LCA5: variants seen among roughly 807,000 people sequenced by gnomAD.
The protein encoded by LCA5 is lebercilin.
LCA5 carries 37 observed loss-of-function variants against 53.0 expected under a neutral mutation model. That is an observed-to-expected ratio of 0.70 (90% confidence interval 0.54 to 0.92). The LOEUF (loss-of-function observed/expected upper bound fraction) is 0.92. Among genes scored for constraint, LCA5 ranks in the 40% least tolerant of loss-of-function variants. LCA5 has a pLI of 0.00. For missense variants in LCA5, 806 were observed against 790.5 expected (o/e 1.02, Z -0.23); for synonymous variants, 303 against 282.9 (o/e 1.07, Z -0.71).
Position 79,491,681 on chromosome 6 carries a change from G to A in LCA5, c.1005C>T (p.Thr335=), listed in dbSNP as rs1449272372. ...ATTCTTCTGGCTTGAAGTCTTCCAT[G>A]GTTTGTACTCCTTTTGTACACAGGT... ...FADLCTKGVQ[T]MEDFKPEEYP... is the part of the protein sequence containing the mutation. The change falls in exon 6 of 8, where the codon ACC becomes ACT. Residue 335 remains threonine (T), a synonymous_variant. Coordinates refer to ENST00000369846, the MANE Select transcript of LCA5 (RefSeq NM_001122769.3). 1.2e-6 allele frequency: 2 copies of A among 1,612,818 alleles called. No homozygotes were observed. Among genetic ancestry groups the A allele is most frequent in the African/African-American group, 2.7e-5 (2 of 74,826 alleles).
intron 3 of LCA5, among the ~76,000 whole-genome samples, chr6:79,494,671 T>C (rs559618665): frequency 3.1e-4 from 47 of 152,312 alleles, no homozygotes; most frequent in Non-Finnish European, 5.3e-4. Flanking sequence ...AATAAAACCA[T>C]AAATACCTAA....
intron 3 of LCA5, among the ~76,000 whole-genome samples, chr6:79,502,170 C>T (rs952092363): frequency 6.6e-6 from 1 of 152,154 alleles, no homozygotes; most frequent in African/African-American, 2.4e-5. Context: ...GTCTTCCTAA[C>T]TCTCCAAAGT....
chr6:79,518,630 T>C (rs76977022), intron 2 of LCA5, 75 bp downstream of exon 2: 5 of 1,304,346 alleles, frequency 3.8e-6, no homozygotes, highest in Admixed American at 3.4e-5. Flanking sequence ...TAAAAGAGTA[T>C]CATGCACACA....
chr6:79,507,157 T>C (rs184627047), intron 3 of LCA5, among the ~76,000 whole-genome samples: 19 of 152,238 alleles, frequency 1.2e-4, no homozygotes, highest in African/African-American at 3.6e-4. Context: ...ATGCAACAGA[T>C]TGAAGCAGAA....
At chr6:79,521,938 A>G (rs1766637279) in intron 1 of LCA5, among the ~76,000 whole-genome samples, 1 of 152,190 alleles carries the variant, frequency 6.6e-6, no homozygotes, top group Non-Finnish European at 1.5e-5. Context: ...ACTACTTGCC[A>G]AAGACAAGGC....
At chr6:79,512,168 G>A (rs1770425114) in intron 3 of LCA5, among the ~76,000 whole-genome samples, 1 of 152,072 alleles carries the variant, frequency 6.6e-6, no homozygotes, top group Non-Finnish European at 1.5e-5. Context: ...TACGGTAACT[G>A]TTCTGAGTCC....
chr6:79,489,037 C>T (rs1422258353), intron 7 of LCA5, 47 bp downstream of exon 7: 1 of 1,606,162 alleles, frequency 6.2e-7, no homozygotes, highest in Admixed American at 1.7e-5. Flanking sequence ...CTTTCTTTCT[C>T]AAGGGATGCT....
At chr6:79,495,942 T>C (rs945593753) in intron 3 of LCA5, among the ~76,000 whole-genome samples, 3 of 152,126 alleles carry the variant, frequency 2.0e-5, no homozygotes, top group African/African-American at 4.8e-5. Context: ...TGGTCAACTA[T>C]ATATTACCTC....
intron 6 of LCA5, 131 bp downstream of exon 6, chr6:79,491,457 C>A: frequency 1.1e-6 from 1 of 947,124 alleles, no homozygotes; most frequent in South Asian, 1.4e-5. Flanking sequence ...TCTTTCCCTT[C>A]AAAAAGGCTA....
intron 1 of LCA5, among the ~76,000 whole-genome samples, chr6:79,519,418 G>A (rs1247021981): frequency 6.6e-6 from 1 of 151,814 alleles, no homozygotes; most frequent in African/African-American, 2.4e-5. Flanking sequence ...TTCTTTTTTA[G>A]GCAGGGAGGC....
intron 1 of LCA5, among the ~76,000 whole-genome samples, chr6:79,523,830 A>T (rs150434779): frequency 1.0e-3 from 159 of 152,338 alleles, no homozygotes; most frequent in African/African-American, 3.7e-3. Context: ...CATAAAAATA[A>T]GTAAATAAAG....
intron 1 of LCA5, among the ~76,000 whole-genome samples, chr6:79,525,722 G>C (rs945447175): frequency 2.6e-5 from 4 of 152,228 alleles, no homozygotes; most frequent in Non-Finnish European, 5.9e-5. Context: ...GTCCGGATTA[G>C]ATCCGGAGGA....
At chr6:79,488,916 A>G (rs1769753954) in intron 7 of LCA5, 168 bp downstream of exon 7, 1 of 721,022 alleles carries the variant, frequency 1.4e-6, no homozygotes, top group Non-Finnish European at 2.3e-6. Flanking sequence ...TAATAACATT[A>G]TTCAAATGTG....
Position 79,487,458 on chromosome 6 carries a change from G to T in LCA5, c.1640C>A (p.Ser547Tyr), listed in dbSNP as rs1212719379. The T allele has an allele frequency of 6.2e-7, 1 of 1,614,026 alleles. No homozygotes were observed. The highest frequency in any genetic ancestry group is 8.5e-7 in the Non-Finnish European group (1 of 1,179,934). ...QNSGNVRSPA[S>Y]PNEFAFGSYV... is the part of the protein sequence containing the mutation. Reference sequence around the variant, plus strand: ...GCTACCAAATGCGAACTCATTAGGGGAGGCTGGACTTCTAACATTTCCTGA... The same window carrying T: ...GCTACCAAATGCGAACTCATTAGGGTAGGCTGGACTTCTAACATTTCCTGA... The change falls in exon 8 of 8, where the codon TCC (serine) becomes TAC (tyrosine). Residue 547 changes from serine (S) to tyrosine (Y), a missense_variant. Ser to Tyr is a moderately radical substitution (Grantham distance 144). Transcript: ENST00000369846.
At chr6:79,508,001 C>G (rs769279555) in intron 3 of LCA5, among the ~76,000 whole-genome samples, 1 of 152,072 alleles carries the variant, frequency 6.6e-6, no homozygotes, top group East Asian at 1.9e-4. Flanking sequence ...TCCCATGTGA[C>G]AAAATATTAA....
intron 3 of LCA5, among the ~76,000 whole-genome samples, chr6:79,495,468 C>T (rs775060504): frequency 2.0e-5 from 3 of 151,880 alleles, no homozygotes; most frequent in Non-Finnish European, 4.4e-5. Flanking sequence ...TATAAAAAGT[C>T]GGGCCAGGCG....
rs769512467 is a variant in LCA5 at position 79,487,199 on chromosome 6, G to A, written c.1899C>T (p.Asp633=). 66 of 1,613,830 alleles carry A rather than the reference G, an allele frequency of 4.1e-5. No homozygotes were observed. The East Asian group carries it at 1.2e-3, about 31-fold the overall frequency. The change falls in exon 8 of 8, where the codon GAC becomes GAT. Residue 633 remains aspartate (D), a synonymous_variant. Transcript: ENST00000369846. Reference sequence around the variant, plus strand: ...CAGGGAGAAAATTTAGAGGGTCAATGTCTCCTTTACTGGAAGCCACAGAAT... The same window carrying A: ...CAGGGAGAAAATTTAGAGGGTCAATATCTCCTTTACTGGAAGCCACAGAAT... The part of the protein sequence containing the change: ...DPNSVASSKG[D]IDPLNFLPGN...
In LCA5 at chr6:79,513,323, T is replaced by C. The variant is rs139613544; in HGVS notation, c.609A>G (p.Leu203=). 73 of 1,613,766 alleles carry C rather than the reference T, an allele frequency of 4.5e-5. No individual in the cohort carries two copies. The African/African-American group carries it at 8.5e-4, about 19-fold the overall frequency. Residue 203 remains leucine (L), a synonymous_variant, in exon 3 of 8, where the codon TTA becomes TTG. Transcript: ENST00000369846. ...ESELFRTKFS[L]QKLKEISEAR... is the part of the protein sequence containing the mutation. Reference sequence around the variant, plus strand: ...CTTCAGAGATCTCTTTCAGTTTCTGTAAGGAAAATTTTGTCCTAAATAGTT... The same window carrying C: ...CTTCAGAGATCTCTTTCAGTTTCTGCAAGGAAAATTTTGTCCTAAATAGTT...
chr6:79,531,485 A>G (rs1363010310), intron 1 of LCA5, among the ~76,000 whole-genome samples: 3 of 152,110 alleles, frequency 2.0e-5, no homozygotes, highest in Admixed American at 6.6e-5. Context: ...GTAATCTTTA[A>G]CCTAGAATGC....
Sources: gnomAD v4.1 joint callset for allele counts (sites outside exome capture counted in the v4.1 genomes callset) on GRCh38, gnomAD v4.1.1 for gene constraint, MANE v1.5 for transcripts, NCBI Gene and HGNC (gene_info 2026-07-23, HGNC 2026-07-21) for gene names.